The following JAK2 variants were observed in gnomAD, a reference collection of about 807,000 sequenced individuals.
JAK2 encodes the protein tyrosine-protein kinase JAK2.
A neutral mutation model predicts 139.3 loss-of-function variants in JAK2; 86 were observed. The observed-to-expected ratio is 0.62, with a 90% CI of 0.52 to 0.74. JAK2 has a LOEUF of 0.74. Ranked by LOEUF, JAK2 falls within the 30% of genes least tolerant of loss-of-function variation. The probability of loss-of-function intolerance (pLI) is 0.00; values close to 1 mark genes in which losing one functional copy is unlikely to be tolerated. For synonymous variants in JAK2, 490 were observed against 437.7 expected (o/e 1.12, Z -1.49); for missense variants, 1,421 against 1,360.3 (o/e 1.04, Z -0.70).
At chr9:5,100,759 T>G (rs1023221676) in intron 22 of JAK2, 2 of 152,256 alleles carry the variant, frequency 1.3e-5, no homozygotes, top group African/African-American at 2.4e-5. Flanking sequence ...TACTTCACCC[T>G]CCTACAAATC....
chr9:5,120,599 G>C (rs750761584), intron 22 of JAK2, among the ~76,000 whole-genome samples: 3 of 152,174 alleles, frequency 2.0e-5, no homozygotes, highest in Non-Finnish European at 4.4e-5. Context: ...TGGACTCCTG[G>C]AGGATCCTTT....
chr9:5,041,308 C>T (rs1816489035), intron 4 of JAK2: 4 of 805,354 alleles, frequency 5.0e-6, no homozygotes, highest in Admixed American at 4.2e-5. Context: ...CCAAGAAGCA[C>T]ATCCCGTGCA....
intron 22 of JAK2, among the ~76,000 whole-genome samples, chr9:5,106,501 A>C (rs978947765): frequency 6.6e-6 from 1 of 152,216 alleles, no homozygotes; most frequent in Non-Finnish European, 1.5e-5. Flanking sequence ...GCGACTCCTC[A>C]AGGATCTAGA....
intron 4 of JAK2, among the ~76,000 whole-genome samples, chr9:5,034,857 G>T (rs887569798): frequency 1.3e-5 from 2 of 152,262 alleles, no homozygotes; most frequent in South Asian, 2.1e-4. Context: ...ACATTCAAAA[G>T]CTAGCAGAAG....
chr9:5,100,207 G>A (rs1821358798), intron 22 of JAK2: 4 of 152,122 alleles, frequency 2.6e-5, no homozygotes, highest in Admixed American at 1.3e-4. Flanking sequence ...CACACTACTA[G>A]TAAGCCTTTA....
intron 4 of JAK2, among the ~76,000 whole-genome samples, chr9:5,039,550 G>T (rs1816330223): frequency 6.6e-6 from 1 of 152,040 alleles, no homozygotes. Context: ...AAGGATGATT[G>T]TGTATTCACA....
chr9:5,007,373 CG>C (rs1563921703), intron 2 of JAK2, among the ~76,000 whole-genome samples: 2 of 151,968 alleles, frequency 1.3e-5, no homozygotes, highest in East Asian at 3.9e-4. Flanking sequence ...CAAATATATG[CG>C]GGTTTCTAGT....
chr9:5,051,143 T>G (rs1817387780), intron 6 of JAK2, among the ~76,000 whole-genome samples: 1 of 152,216 alleles, frequency 6.6e-6, no homozygotes, highest in South Asian at 2.1e-4. Context: ...GCAAGAGGGA[T>G]AGTCAACCTA....
intron 13 of JAK2, 50 bp from the exon 14 acceptor site, chr9:5,073,648 T>G: frequency 1.5e-6 from 2 of 1,360,370 alleles, no homozygotes; most frequent in South Asian, 2.4e-5. Context: ...TCTGAACTAT[T>G]TATGGACAAC....
intron 2 of JAK2, among the ~76,000 whole-genome samples, chr9:4,990,297 T>A (rs917212449): frequency 9.2e-5 from 14 of 152,340 alleles, no homozygotes; most frequent in Admixed American, 8.5e-4. Flanking sequence ...TTTAAAAATG[T>A]GTCCAAAGTT....
intron 12 of JAK2, among the ~76,000 whole-genome samples, chr9:5,071,986 C>T (rs1439007357): frequency 1.3e-5 from 2 of 152,124 alleles, no homozygotes; most frequent in Non-Finnish European, 2.9e-5. Context: ...TATTTATTCA[C>T]TTATTGATCA....
intron 24 of JAK2, 53 bp from the exon 25 acceptor site, chr9:5,126,631 T>TA: frequency 1.6e-6 from 2 of 1,286,748 alleles, no homozygotes; most frequent in Non-Finnish European, 2.2e-6. Context: ...TTCCACCAAT[T>TA]AAAAGATGGC....
In JAK2 at chr9:5,054,611, T is replaced by G; in HGVS notation, c.663T>G (p.Tyr221Ter). Reference sequence around the variant, plus strand: ...GTATTCGAGCAAAGATCCAAGACTATCATATTTTGACAAGGAAGCGAATAA... The same window carrying G: ...GTATTCGAGCAAAGATCCAAGACTAGCATATTTTGACAAGGAAGCGAATAA... The part of the protein sequence containing the change: ...PKCIRAKIQD[Y>*]HILTRKRIRY... Residue 221 changes from tyrosine to a stop codon, truncating the protein, a stop_gained, in exon 7 of 25, where the codon TAT (tyrosine) becomes TAG (stop). Coordinates refer to ENST00000381652, the MANE Select transcript of JAK2 (RefSeq NM_004972.4). LOFTEE classifies it high-confidence loss of function. This position sits in a 1 kb window ranked among gnomAD's most constrained non-coding sequence, Gnocchi z 4.9. 6.2e-7 allele frequency: 1 copy of G among 1,612,262 alleles called. No homozygotes were observed. The highest frequency in any genetic ancestry group is 8.5e-7 in the Non-Finnish European group (1 of 1,178,922).
chr9:5,089,954 T>C, intron 20 of JAK2, 91 bp downstream of exon 20: 1 of 823,244 alleles, frequency 1.2e-6, no homozygotes, highest in Non-Finnish European at 1.7e-6. Context: ...CGATCTGGAC[T>C]TATGCCAATG....
At chr9:5,108,595 T>C (rs1046422832) in intron 22 of JAK2, 1 of 152,006 alleles carries the variant, frequency 6.6e-6, no homozygotes, top group African/African-American at 2.4e-5. Flanking sequence ...GAAGCCCCTA[T>C]TGCCGGCTCA....
chr9:5,043,312 T>TAAAA (rs138606449), intron 4 of JAK2, among the ~76,000 whole-genome samples: 1 of 143,688 alleles, frequency 7.0e-6, no homozygotes, highest in African/African-American at 2.6e-5. Flanking sequence ...TTAGGGGCTT[T>TAAAA]AAAAAAAAAA....
In JAK2 at chr9:5,044,438, A is replaced by G; in HGVS notation, c.386A>G (p.Asn129Ser). The G allele has an allele frequency of 1.2e-6, 2 of 1,613,310 alleles. No individual in the cohort carries two copies. Among genetic ancestry groups the G allele is most frequent in the Middle Eastern group, 3.3e-4 (2 of 6,056 alleles). Reference protein sequence around the residue: ...YFPRWYCSGSNRAYRHGISRG... With the variant: ...YFPRWYCSGSSRAYRHGISRG... ...CCTCGTTGGTATTGCAGTGGCAGCAACAGAGCCTATCGGCATGGAATATCT... is the reference window on the plus strand; with the variant it reads ...CCTCGTTGGTATTGCAGTGGCAGCAGCAGAGCCTATCGGCATGGAATATCT... The change falls in exon 5 of 25, where the codon AAC (asparagine) becomes AGC (serine). Residue 129 changes from asparagine to serine, a missense_variant. By Grantham distance (46) the Asn-to-Ser change is conservative. Transcript: ENST00000381652.
intron 13 of JAK2, among the ~76,000 whole-genome samples, chr9:5,073,220 G>C (rs894390909): frequency 1.3e-5 from 2 of 152,196 alleles, no homozygotes; most frequent in African/African-American, 4.8e-5. Flanking sequence ...TCATACCCAG[G>C]GGTTCTAGTC....
At position 4,988,570 on chromosome 9, in the gene JAK2, C is replaced by G. The variant is rs578212677; in HGVS notation, c.-26+2548C>G. On this transcript the variant is annotated intron_variant, in intron 2 of 24. Transcript: ENST00000381652. ...ATGGGTTTGGAAACCTCTGCCTTAG[C>G]TTTTAGTTTGCTTTTCTGATAAAAT... Among the ~76,000 whole-genome samples the G allele has an allele frequency of 3.9e-5, 6 of 152,294 alleles. No individual in the cohort carries two copies. The South Asian group carries it at 1.2e-3, about 32-fold the overall frequency.
Sources: gnomAD v4.1 joint callset for allele counts (sites outside exome capture counted in the v4.1 genomes callset) on GRCh38, gnomAD v4.1.1 for gene constraint, Gnocchi (gnomAD v3.1) non-coding constraint, MANE v1.5 for transcripts, NCBI Gene and HGNC (gene_info 2026-07-23, HGNC 2026-07-21) for gene names.